FANK1: variants seen among roughly 807,000 people sequenced by gnomAD.
FANK1 encodes the protein fibronectin type 3 and ankyrin repeat domains protein 1.
A neutral mutation model predicts 45.3 loss-of-function variants in FANK1; 44 were observed. The ratio of observed to expected loss-of-function variants is 0.97; its 90% CI spans 0.76 to 1.25. The LOEUF is 1.25. FANK1 is among the 50% of genes most tolerant of loss of function. The pLI is 0.00. For missense variants in FANK1, 391 were observed against 424.4 expected (o/e 0.92, Z 0.69); for synonymous variants, 149 against 152.5 (o/e 0.98, Z 0.17).
chr10:125,976,119 ATTTT>A (rs34301072), intron 1 of FANK1, among the ~76,000 whole-genome samples: 1 of 145,684 alleles, frequency 6.9e-6, no homozygotes. Context: ...TTGGTTGAAG[ATTTT>A]TTTTTTTTTT....
chr10:125,920,235 A>T (rs893541615), intron 1 of FANK1, among the ~76,000 whole-genome samples: 1 of 152,198 alleles, frequency 6.6e-6, no homozygotes, highest in Non-Finnish European at 1.5e-5. Flanking sequence ...TGGCCTGTAC[A>T]TGTTGCTTTT....
intron 1 of FANK1, among the ~76,000 whole-genome samples, chr10:125,945,307 G>C (rs1483323136): frequency 6.6e-6 from 1 of 152,226 alleles, no homozygotes; most frequent in Admixed American, 6.5e-5. Flanking sequence ...CGACGCAGAA[G>C]ACGGGTGATT....
intron 1 of FANK1, among the ~76,000 whole-genome samples, chr10:125,938,494 A>T (rs1424393012): frequency 6.6e-6 from 1 of 152,176 alleles, no homozygotes; most frequent in Non-Finnish European, 1.5e-5. Flanking sequence ...TGTGCCACGA[A>T]AGCAAAGAGG....
At chr10:125,940,122 A>G (rs905845516) in intron 1 of FANK1, among the ~76,000 whole-genome samples, 1 of 151,926 alleles carries the variant, frequency 6.6e-6, no homozygotes, top group African/African-American at 2.4e-5. Context: ...GGTATTTCTC[A>G]TCAGGTGGGA....
intron 1 of FANK1, among the ~76,000 whole-genome samples, chr10:125,918,556 CAAAAAAAAAAAA>C (rs1156446362): frequency 1.4e-4 from 1 of 7,104 alleles, no homozygotes; most frequent in South Asian, 7.0e-3. Flanking sequence ...GCCTCTGTCT[CAAAAAAAAAAAA>C]AAAAAAAAAA....
In FANK1 at chr10:125,973,816, G is replaced by A. The variant is rs1024006028; in HGVS notation, c.14-6345G>A. ...ATGCCCCCATCCCTTCCGTTATGTT[G>A]TTGAGGTGGTGTATGTTCTTCCCTT... is the stretch of plus-strand genomic sequence containing the variant. On this transcript the variant is annotated intron_variant, in intron 1 of 10. Coordinates refer to ENST00000368693, the MANE Select transcript of FANK1 (RefSeq NM_145235.5). The A allele has an allele frequency of 3.2e-5, 3 of 95,152 alleles. No individual in the cohort carries two copies. In the South Asian group the frequency reaches 1.2e-3, roughly 39 times the overall value. The allele number at this position is 95,152 out of a possible 1,614,324, so 5.9% of individuals were successfully genotyped here. A position where few individuals can be genotyped will look rare whatever the true frequency, so the allele number is the denominator to read the frequency against.
chr10:125,988,757 C>CTG (rs1564950145), intron 3 of FANK1, 82 bp downstream of exon 3: 3 of 1,602,298 alleles, frequency 1.9e-6, no homozygotes, highest in African/African-American at 1.3e-5. Flanking sequence ...TTCTGCCTCT[C>CTG]GTTTGGCCTT....
intron 1 of FANK1, among the ~76,000 whole-genome samples, chr10:125,965,839 C>T (rs1051473895): frequency 2.6e-5 from 4 of 152,182 alleles, no homozygotes; most frequent in East Asian, 1.9e-4. Context: ...TATAGAACTC[C>T]AAGCAGGGTT....
At chr10:125,898,318 G>A (rs867477381) in intron 1 of FANK1, among the ~76,000 whole-genome samples, 47 of 152,248 alleles carry the variant, frequency 3.1e-4, no homozygotes, top group Middle Eastern at 6.8e-3. Context: ...TTGCAGCTCT[G>A]TTCTAGGGAT....
At chr10:125,997,159 G>A (rs1217560640) in intron 5 of FANK1, among the ~76,000 whole-genome samples, 3 of 152,096 alleles carry the variant, frequency 2.0e-5, no homozygotes, top group African/African-American at 7.2e-5. Flanking sequence ...AATTATTTTG[G>A]TAGCCCGATT....
In FANK1 at chr10:126,008,397, G is replaced by A. The variant is rs1309321984; in HGVS notation, c.706-10G>A. 6.3e-7 allele frequency: 1 copy of A among 1,583,424 alleles called. No homozygotes were observed. Among genetic ancestry groups the A allele is most frequent in the East Asian group, 2.3e-5 (1 of 43,982 alleles). ...TTGGGCTCAACACAGCTGTTTCTCT[G>A]GCCCAACAGGTAGACGTCGTGGACA... On this transcript the variant is annotated splice_polypyrimidine_tract_variant and intron_variant, in intron 7 of 10. Transcript: ENST00000368693.
intron 4 of FANK1, 111 bp downstream of exon 4, chr10:125,995,609 C>T (rs915825709): frequency 1.0e-6 from 1 of 961,744 alleles, no homozygotes; most frequent in Non-Finnish European, 1.6e-6. Flanking sequence ...TTTGAAACTG[C>T]CTCCAAAATG....
chr10:125,933,911 G>T (rs1489206980), intron 1 of FANK1, among the ~76,000 whole-genome samples: 2 of 152,090 alleles, frequency 1.3e-5, no homozygotes, highest in East Asian at 3.9e-4. Context: ...TCAGGAACAG[G>T]TTACTTAACT....
rs747978444 is a variant in FANK1, at chr10:125,996,672, AT to A, written c.473+52del. On this transcript the variant is annotated intron_variant, in intron 5 of 10. Transcript: ENST00000368693. ...ATCTCTCTTGGGGATTTAACTTTTT[AT>A]TTTATTCAAAGGCTCTGGTCAGGAT... The A allele has an allele frequency of 3.9e-5, 62 of 1,574,640 alleles. 1 individual carries two copies. The East Asian group carries it at 9.9e-4, about 25-fold the overall frequency.
intron 1 of FANK1, among the ~76,000 whole-genome samples, chr10:125,919,137 G>T (rs112753633): frequency 6.7e-6 from 1 of 149,458 alleles, no homozygotes; most frequent in Non-Finnish European, 1.5e-5. Context: ...ATTGGCCTGG[G>T]GAAGTGTTTA....
At chr10:125,982,383 ACT>A (rs1310588536) in intron 2 of FANK1, among the ~76,000 whole-genome samples, 1 of 152,076 alleles carries the variant, frequency 6.6e-6, no homozygotes, top group Non-Finnish European at 1.5e-5. Flanking sequence ...TGGAGAACGC[ACT>A]CTCACTCTGA....
intron 1 of FANK1, among the ~76,000 whole-genome samples, chr10:125,941,889 CAT>C (rs1258252549): frequency 6.6e-6 from 1 of 152,122 alleles, no homozygotes; most frequent in Non-Finnish European, 1.5e-5. Context: ...TTTTATAAAT[CAT>C]AGGGATAATG....
chr10:125,975,988 G>C (rs1017416607), intron 1 of FANK1, among the ~76,000 whole-genome samples: 2 of 151,818 alleles, frequency 1.3e-5, no homozygotes, highest in Non-Finnish European at 2.9e-5. Context: ...TATATTTACT[G>C]TTCCTTCCAA....
intron 1 of FANK1, among the ~76,000 whole-genome samples, chr10:125,937,568 G>C (rs886420105): frequency 1.4e-4 from 21 of 152,056 alleles, no homozygotes; most frequent in African/African-American, 5.1e-4. Context: ...GAGTCTGATG[G>C]AATAAACTAT....
Sources: allele counts gnomAD v4.1 joint callset (sites outside exome capture counted in the v4.1 genomes callset), GRCh38; gene constraint gnomAD v4.1.1; transcripts MANE v1.5; gene names NCBI Gene and HGNC (gene_info 2026-07-23, HGNC 2026-07-21).